ZFAT: variants seen among roughly 807,000 people sequenced by gnomAD.
ZFAT encodes the protein zinc finger and AT-hook domain containing.
Under a neutral mutation model 117.7 loss-of-function variants are expected in ZFAT, and 64 were observed. The ratio of observed to expected loss-of-function variants is 0.54; its 90% confidence interval spans 0.44 to 0.67. ZFAT has a LOEUF of 0.67. Among genes scored for constraint, ZFAT ranks in the 30% least tolerant of loss-of-function variants. ZFAT has a pLI of 0.00. For synonymous variants in ZFAT, 679 were observed against 615.0 expected (o/e 1.10, Z -1.54); for missense variants, 1,433 against 1,584.5 (o/e 0.90, Z 1.62).
the ZFAT span, among the ~76,000 whole-genome samples, chr8:134,757,129 GC>G: frequency 6.8e-6 from 1 of 146,074 alleles, no homozygotes; most frequent in African/African-American, 2.5e-5. Flanking sequence ...CACTTCTCCT[GC>G]CTCAGCCTCC....
At chr8:134,660,899 G>T (rs1831891125) in intron 1 of ZFAT, among the ~76,000 whole-genome samples, 1 of 152,254 alleles carries the variant, frequency 6.6e-6, no homozygotes, top group Admixed American at 6.5e-5. Context: ...AAGGCCTGAG[G>T]ACCCTGGGTG....
Position 134,602,671 on chromosome 8 carries a change from T to G in ZFAT, c.1048A>C (p.Lys350Gln), listed in dbSNP as rs1472975800. 2 of 1,614,120 alleles carry G rather than the reference T, an allele frequency of 1.2e-6. No homozygotes were observed. The highest frequency in any genetic ancestry group is 2.7e-5 in the African/African-American group (2 of 74,944). ...AAGCGGCAGTGCTGCTTGATCTTCT[T>G]GTGCACTCGCTCGATGTGCACCTTG... Reference protein sequence around the residue: ...HLKVHIERVHKKIKQHCRFCK... With the variant: ...HLKVHIERVHQKIKQHCRFCK... The change falls in exon 6 of 16, where the codon AAG becomes CAG. Residue 350 changes from lysine to glutamine, a missense_variant. Around this residue, in one of 5 missense-constraint regions of ZFAT, gnomAD observed 436 missense variants for 482.0 expected, o/e 0.90. Transcript: ENST00000377838.
chr8:134,751,271 G>A, the ZFAT span, among the ~76,000 whole-genome samples: 1 of 152,138 alleles, frequency 6.6e-6, no homozygotes, highest in African/African-American at 2.4e-5. Flanking sequence ...TTGCCATCCT[G>A]GAAGCACTTT....
chr8:134,805,408 G>A, the ZFAT span, among the ~76,000 whole-genome samples: 2 of 152,184 alleles, frequency 1.3e-5, no homozygotes, highest in East Asian at 3.8e-4. Context: ...AATGAATAGA[G>A]TGGGTTTTCC....
rs1833481837 is a variant in ZFAT at position 134,689,217 on chromosome 8, C to T, written c.19+23628G>A. Among the ~76,000 whole-genome samples the T allele has an allele frequency of 2.0e-5, 3 of 152,212 alleles. No individual in the cohort carries two copies. The South Asian group carries it at 6.2e-4, about 31-fold the overall frequency. ...CTTGCCATGGCAATGCCGGAAGTTA[C>T]CACCCACTTTCTAGCTATTTCTGAA... is the stretch of plus-strand genomic sequence containing the variant. On this transcript the variant is annotated intron_variant, in intron 1 of 15. Transcript: ENST00000377838.
In ZFAT at chr8:134,610,525, A is replaced by G; in HGVS notation, c.579T>C (p.Ser193=). The G allele has an allele frequency of 6.2e-7, 1 of 1,614,188 alleles. No homozygotes were observed. Among genetic ancestry groups the G allele is most frequent in the Non-Finnish European group, 8.5e-7 (1 of 1,180,040 alleles). Residue 193 remains serine (S), a synonymous_variant, in exon 4 of 16, where the codon TCT becomes TCC. Transcript: ENST00000377838. The part of the protein sequence containing the change: ...KISGKEARQL[S]GAKKPIISVV... ...CACTTATGATGGGTTTCTTCGCCCC[A>G]GAAAGCTGTCTGGCCTCCTTTCCTG...
At chr8:134,725,958 T>A in the ZFAT span, among the ~76,000 whole-genome samples, 1 of 152,184 alleles carries the variant, frequency 6.6e-6, no homozygotes, top group African/African-American at 2.4e-5. Context: ...AATTAATTAG[T>A]GGACTTATTC....
intron 15 of ZFAT, among the ~76,000 whole-genome samples, chr8:134,495,433 A>C (rs569233230): frequency 1.8e-4 from 27 of 152,290 alleles, no homozygotes; most frequent in Non-Finnish European, 3.5e-4. Flanking sequence ...TTTGGGGATT[A>C]GATTTCAATC....
chr8:134,618,640 C>A (rs1037902950), intron 3 of ZFAT, among the ~76,000 whole-genome samples: 2 of 152,204 alleles, frequency 1.3e-5, no homozygotes, highest in African/African-American at 4.8e-5. Context: ...TTATCCCCTA[C>A]TACTAAATAA....
intron 1 of ZFAT, among the ~76,000 whole-genome samples, chr8:134,688,726 C>G (rs1833455350): frequency 6.6e-6 from 1 of 152,194 alleles, no homozygotes; most frequent in Non-Finnish European, 1.5e-5. Flanking sequence ...TCGACTTCCA[C>G]CCTCTCCCTC....
chr8:134,755,219 C>A, the ZFAT span, among the ~76,000 whole-genome samples: 3 of 142,914 alleles, frequency 2.1e-5, no homozygotes, highest in Non-Finnish European at 4.5e-5. Context: ...GCCTGGGCAA[C>A]ATGGTGAAAC....
At chr8:134,528,174 T>A (rs1467267560) in intron 12 of ZFAT, among the ~76,000 whole-genome samples, 1 of 152,252 alleles carries the variant, frequency 6.6e-6, no homozygotes, top group Non-Finnish European at 1.5e-5. Context: ...GCACAGACGT[T>A]GAATCAGGAG....
the ZFAT span, among the ~76,000 whole-genome samples, chr8:134,774,943 C>T: frequency 2.0e-5 from 3 of 152,008 alleles, no homozygotes; most frequent in Non-Finnish European, 4.4e-5. Flanking sequence ...ATGGTGAAAC[C>T]CCATCTCTAC....
intron 12 of ZFAT, among the ~76,000 whole-genome samples, chr8:134,525,204 A>G (rs1820936487): frequency 1.3e-5 from 2 of 151,942 alleles, no homozygotes; most frequent in Admixed American, 1.3e-4. Flanking sequence ...CACCTCTCCA[A>G]CTCAAATCCC....
At chr8:134,583,760 T>C in intron 10 of ZFAT, 72 bp downstream of exon 10, 1 of 1,555,338 alleles carries the variant, frequency 6.4e-7, no homozygotes, top group Non-Finnish European at 8.7e-7. Flanking sequence ...ACAGCAAGTT[T>C]CTGACAAACT....
chr8:134,703,061 A>G (rs1352101538), intron 1 of ZFAT, among the ~76,000 whole-genome samples: 1 of 152,228 alleles, frequency 6.6e-6, no homozygotes, highest in African/African-American at 2.4e-5. Context: ...TACCTTCAAC[A>G]TTGTAAGAAG....
At chr8:134,712,075 A>C (rs1349573103) in intron 1 of ZFAT, among the ~76,000 whole-genome samples, 2 of 152,188 alleles carry the variant, frequency 1.3e-5, no homozygotes, top group Non-Finnish European at 2.9e-5. Flanking sequence ...TATAGTGAAC[A>C]CTTACATGAG....
chr8:134,752,269 C>A, the ZFAT span, among the ~76,000 whole-genome samples: 1 of 152,162 alleles, frequency 6.6e-6, no homozygotes, highest in South Asian at 2.1e-4. Context: ...ATTCAAACAC[C>A]AGCCTCTGTG....
At chr8:134,622,564 G>A (rs1045479323) in intron 3 of ZFAT, among the ~76,000 whole-genome samples, 1 of 152,106 alleles carries the variant, frequency 6.6e-6, no homozygotes, top group Non-Finnish European at 1.5e-5. Flanking sequence ...CCTTTTAAGG[G>A]CAGATAATAA....
Sources: allele counts gnomAD v4.1 joint callset (sites outside exome capture counted in the v4.1 genomes callset), GRCh38; gene constraint gnomAD v4.1.1; regional missense constraint gnomAD v4.1.1; transcripts MANE v1.5; gene names NCBI Gene and HGNC (gene_info 2026-07-23, HGNC 2026-07-21).